PTPRM: variants seen among roughly 807,000 people sequenced by gnomAD.
PTPRM encodes the protein receptor-type tyrosine-protein phosphatase mu.
In PTPRM, 47 loss-of-function variants were observed where a neutral mutation model predicts 186.7. The ratio of observed to expected loss-of-function variants is 0.25; its 90% CI spans 0.20 to 0.32. The LOEUF is 0.32. Ranked by LOEUF, PTPRM falls within the 10% of genes least tolerant of loss-of-function variation. The pLI is 1.00. For missense variants in PTPRM, 1,494 were observed against 1,865.0 expected, an observed-to-expected ratio of 0.80 and a Z score of 3.66; for synonymous variants, 668 against 674.9, an observed-to-expected ratio of 0.99 and a Z score of 0.16.
chr18:7,656,763 T>C (rs534385777), intron 1 of PTPRM, among the ~76,000 whole-genome samples: 1 of 152,284 alleles, frequency 6.6e-6, no homozygotes, highest in Admixed American at 6.5e-5. Context: ...AAGTTCTCAT[T>C]GTTTTCCCTA....
chr18:8,022,419 C>T (rs989687279), intron 7 of PTPRM, among the ~76,000 whole-genome samples: 6 of 152,292 alleles, frequency 3.9e-5, no homozygotes, highest in East Asian at 1.9e-4. Context: ...GCTTGGAAAG[C>T]GTTTTCTAAG....
chr18:8,023,920 G>A (rs1424695994), intron 7 of PTPRM, among the ~76,000 whole-genome samples: 4 of 150,860 alleles, frequency 2.7e-5, no homozygotes, highest in Non-Finnish European at 5.9e-5. Context: ...GATTTATTCT[G>A]TCTTTAATGA....
At chr18:7,643,688 G>A (rs2038497401) in intron 1 of PTPRM, among the ~76,000 whole-genome samples, 1 of 151,988 alleles carries the variant, frequency 6.6e-6, no homozygotes, top group Admixed American at 6.6e-5. Flanking sequence ...TTTTTGGGGT[G>A]ATTTCAATGG....
At chr18:7,909,977 G>A (rs2146595653) in intron 4 of PTPRM, among the ~76,000 whole-genome samples, 1 of 152,292 alleles carries the variant, frequency 6.6e-6, no homozygotes, top group Middle Eastern at 3.4e-3. Context: ...ATCCTGGTAA[G>A]AAAAGAAGCA....
chr18:8,183,403 G>C (rs1042691922), intron 14 of PTPRM, among the ~76,000 whole-genome samples: 25 of 152,174 alleles, frequency 1.6e-4, no homozygotes, highest in Non-Finnish European at 3.4e-4. Context: ...AAAGAGGCAG[G>C]AAAGCGGTGA....
At chr18:8,236,192 G>T (rs995311904) in intron 14 of PTPRM, among the ~76,000 whole-genome samples, 1 of 152,126 alleles carries the variant, frequency 6.6e-6, no homozygotes. Flanking sequence ...TATAGTAGTG[G>T]ATTCATCTAT....
rs551452519 is a variant in PTPRM, at chr18:8,388,892, C to T, written c.4208+1657C>T. 2.0e-5 allele frequency among the ~76,000 whole-genome samples: 3 copies of T among 152,142 alleles called. No homozygotes were observed. The South Asian group carries it at 6.2e-4, about 32-fold the overall frequency. On this transcript the variant is annotated intron_variant, in intron 31 of 32. Coordinates refer to ENST00000580170, the MANE Select transcript of PTPRM (RefSeq NM_001105244.2). ...AGGAGAATGGCGTGAACCCGGGAGGCGGAGCTTGCAGTGAGCCGAGATGGC... is the reference window on the plus strand; with the variant it reads ...AGGAGAATGGCGTGAACCCGGGAGGTGGAGCTTGCAGTGAGCCGAGATGGC...
In PTPRM at chr18:8,076,472, A is replaced by T. The variant is rs2089823606; in HGVS notation, c.1459A>T (p.Thr487Ser). The change falls in exon 9 of 33, where the codon ACT (threonine) becomes TCT (serine). Residue 487 changes from threonine (T) to serine (S), a missense_variant. Thr to Ser is a moderately conservative substitution (Grantham distance 58, BLOSUM62 1). This residue lies in a region of PTPRM where 1,107 missense variants were observed against 1,350.2 expected (regional missense o/e 0.82). Coordinates refer to ENST00000580170, the MANE Select transcript of PTPRM (RefSeq NM_001105244.2). ...TCCTTTAGTCCCAGGTGCTGTTCCC[A>T]CTGAATCCATACAAGGAAGTACCTT... ...TDEDLPGAVP[T>S]ESIQGSTFEE... The T allele has an allele frequency of 6.2e-7, 1 of 1,605,310 alleles. No individual in the cohort carries two copies.
intron 7 of PTPRM, among the ~76,000 whole-genome samples, chr18:8,030,195 G>A (rs909060405): frequency 2.0e-5 from 3 of 152,200 alleles, no homozygotes; most frequent in Non-Finnish European, 4.4e-5. Flanking sequence ...CATAGTCCAT[G>A]TAGATTACAT....
intron 13 of PTPRM, among the ~76,000 whole-genome samples, chr18:8,116,627 A>G (rs11660158): frequency 0.18 from 27,117 of 152,230 alleles, 2,621 homozygotes; most frequent in Middle Eastern, 0.22. Context: ...GAAAACAACA[A>G]AATATCTGTC....
chr18:7,914,470 C>T (rs1444744256), intron 4 of PTPRM, among the ~76,000 whole-genome samples: 1 of 151,930 alleles, frequency 6.6e-6, no homozygotes, highest in Non-Finnish European at 1.5e-5. Flanking sequence ...AATTACTTGG[C>T]TTTTTTTGGA....
chr18:7,631,005 T>C (rs1260786584), intron 1 of PTPRM, among the ~76,000 whole-genome samples: 5 of 152,248 alleles, frequency 3.3e-5, no homozygotes, highest in East Asian at 1.9e-4. Context: ...TCCTCTTTAA[T>C]TGAGTATCAA....
chr18:8,216,694 C>T (rs2094090763), intron 14 of PTPRM, among the ~76,000 whole-genome samples: 1 of 152,198 alleles, frequency 6.6e-6, no homozygotes, highest in Non-Finnish European at 1.5e-5. Flanking sequence ...CTCTCTGAGA[C>T]ATATGGTAAC....
At chr18:7,996,632 T>C (rs766526410) in intron 7 of PTPRM, among the ~76,000 whole-genome samples, 18 of 152,062 alleles carry the variant, frequency 1.2e-4, no homozygotes, top group Admixed American at 4.6e-4. Flanking sequence ...ATCTTATATT[T>C]AGAAATACCT....
At chr18:7,905,315 A>G (rs758818201) in intron 3 of PTPRM, among the ~76,000 whole-genome samples, 1 of 151,852 alleles carries the variant, frequency 6.6e-6, no homozygotes, top group African/African-American at 2.4e-5. Flanking sequence ...TTTTTGCCTT[A>G]ATTTCTCTGA....
chr18:8,125,980 T>C (rs900185723), intron 13 of PTPRM, among the ~76,000 whole-genome samples: 300 of 3,276 alleles, frequency 0.092, 3 homozygotes, highest in Admixed American at 0.36. Context: ...TGTATACATA[T>C]ATATATATAT....
chr18:7,745,138 T>C (rs1403843994), intron 1 of PTPRM, among the ~76,000 whole-genome samples: 1 of 151,984 alleles, frequency 6.6e-6, no homozygotes, highest in Non-Finnish European at 1.5e-5. Flanking sequence ...TAAGTGGTAC[T>C]TCTTAGAGTT....
intron 2 of PTPRM, among the ~76,000 whole-genome samples, chr18:7,842,576 G>A (rs2046376515): frequency 2.0e-5 from 3 of 152,004 alleles, no homozygotes; most frequent in South Asian, 2.1e-4. Flanking sequence ...TTTGAGTAAA[G>A]CAAATTACCC....
At chr18:7,716,804 C>A (rs2040343142) in intron 1 of PTPRM, among the ~76,000 whole-genome samples, 1 of 152,130 alleles carries the variant, frequency 6.6e-6, no homozygotes, top group South Asian at 2.1e-4. Context: ...GTTAGAATGG[C>A]AATCATTAAA....
Sources: allele counts gnomAD v4.1 joint callset (sites outside exome capture counted in the v4.1 genomes callset), GRCh38; gene constraint gnomAD v4.1.1; regional missense constraint gnomAD v4.1.1; transcripts MANE v1.5; gene names NCBI Gene and HGNC (gene_info 2026-07-23, HGNC 2026-07-21).